STAT3: variants seen among roughly 807,000 people sequenced by gnomAD.
STAT3 encodes the protein signal transducer and activator of transcription 3, also known as DNA-binding protein APRF.
Under a neutral mutation model 114.3 loss-of-function variants are expected in STAT3, and 7 were observed. The ratio of observed to expected loss-of-function variants is 0.06; its 90% CI spans 0.03 to 0.11. The LOEUF is 0.11. Among genes scored for constraint, STAT3 ranks in the 10% least tolerant of loss-of-function variants. The pLI, the probability that STAT3 is intolerant of heterozygous loss-of-function variation, is 1.00. For synonymous variants in STAT3, 331 were observed against 354.5 expected, an observed-to-expected ratio of 0.93 and a Z score of 0.74; for missense variants, 364 against 960.9, an observed-to-expected ratio of 0.38 and a Z score of 8.21.
intron 1 of STAT3, among the ~76,000 whole-genome samples, chr17:42,365,078 G>A (rs1010164818): frequency 1.3e-5 from 2 of 152,116 alleles, no homozygotes; most frequent in African/African-American, 4.8e-5. Flanking sequence ...CTCTCATTAT[G>A]CCCCACTCTC....
chr17:42,338,499 CT>C (rs2082311459), intron 6 of STAT3, among the ~76,000 whole-genome samples: 4 of 72,336 alleles, frequency 5.5e-5, no homozygotes, highest in Non-Finnish European at 5.8e-5. Flanking sequence ...GGGAATACTC[CT>C]TGACCTGAGG....
intron 1 of STAT3, among the ~76,000 whole-genome samples, chr17:42,363,165 G>A (rs2083602671): frequency 6.6e-6 from 1 of 152,180 alleles, no homozygotes; most frequent in East Asian, 1.9e-4. Flanking sequence ...TGTGTAGCCA[G>A]GTTCTCCCAA....
chr17:42,354,464 G>A (rs1283880715), intron 1 of STAT3, among the ~76,000 whole-genome samples: 2 of 150,238 alleles, frequency 1.3e-5, no homozygotes, highest in East Asian at 2.0e-4. Context: ...CATGGCACCC[G>A]GCCTGTGTTA....
chr17:42,359,877 G>A (rs1183126840), intron 1 of STAT3, among the ~76,000 whole-genome samples: 4 of 151,904 alleles, frequency 2.6e-5, no homozygotes, highest in Admixed American at 6.6e-5. Context: ...TGGCTAACAC[G>A]GTGAAACCCC....
chr17:42,369,439 C>T (rs1262487846), intron 1 of STAT3, among the ~76,000 whole-genome samples: 1 of 152,050 alleles, frequency 6.6e-6, no homozygotes, highest in African/African-American at 2.4e-5. Context: ...GTGTATGTAC[C>T]ACATTTTCTT....
chr17:42,371,656 A>G (rs1379252605), intron 1 of STAT3, among the ~76,000 whole-genome samples: 2 of 145,146 alleles, frequency 1.4e-5, no homozygotes, highest in African/African-American at 5.2e-5. Context: ...AGCCTGGTCA[A>G]CAGGAGCAAA....
chr17:42,339,031 C>A (rs1375816103), intron 5 of STAT3, among the ~76,000 whole-genome samples: 1 of 152,070 alleles, frequency 6.6e-6, no homozygotes, highest in Non-Finnish European at 1.5e-5. Flanking sequence ...TTGGGAGGAT[C>A]ACTTGAGCCC....
At position 42,368,451 on chromosome 17, in the gene STAT3, T is replaced by TTTTTG. The variant is rs552230102; in HGVS notation, c.-24+19823_-24+19827dup. On this transcript the variant is annotated intron_variant, in intron 1 of 23. Transcript: ENST00000264657. Reference sequence around the variant, plus strand: ...TTTGAGATATTCCCAAAGTGACAGGTTTTTGTTTTGTTTTGTTTTGTTTTT... The same window carrying TTTTTG: ...TTTGAGATATTCCCAAAGTGACAGGTTTTTGTTTTGTTTTGTTTTGTTTTGTTTTT... Among the ~76,000 whole-genome samples, 72 of 151,976 alleles carry TTTTTG rather than the reference T, an allele frequency of 4.7e-4. 1 individual carries two copies. The highest frequency in any genetic ancestry group is 4.1e-4 in the South Asian group (2 of 4,820).
intron 4 of STAT3, among the ~76,000 whole-genome samples, chr17:42,344,589 C>T (rs954781441): frequency 1.3e-5 from 2 of 151,362 alleles, no homozygotes; most frequent in African/African-American, 2.4e-5. Context: ...CTTGGTGGCA[C>T]ACACCTGTAG....
chr17:42,352,288 G>A (rs1392156075), intron 1 of STAT3, among the ~76,000 whole-genome samples: 6 of 151,942 alleles, frequency 3.9e-5, no homozygotes, highest in East Asian at 2.0e-4. Context: ...GTAGTGAGCC[G>A]AGATCGCACC....
intron 21 of STAT3, chr17:42,317,547 T>C: frequency 2.2e-6 from 1 of 451,746 alleles, no homozygotes; most frequent in South Asian, 2.3e-5. Flanking sequence ...TGTAAAAGTT[T>C]AACAGCCTCC....
chr17:42,376,375 C>A (rs1187842316), intron 1 of STAT3, among the ~76,000 whole-genome samples: 1 of 151,834 alleles, frequency 6.6e-6, no homozygotes, highest in African/African-American at 2.4e-5. Flanking sequence ...AATGAAACCC[C>A]ATCTCTACTA....
intron 22 of STAT3, 119 bp from the exon 23 acceptor site, chr17:42,317,020 A>C: frequency 4.5e-6 from 7 of 1,556,804 alleles, no homozygotes; most frequent in Non-Finnish European, 6.1e-6. Context: ...CAACAGAAAA[A>C]TAAAAGCTCA....
rs187008053 is a variant in STAT3 at position 42,343,347 on chromosome 17, C to T, written c.372+2212G>A. Among the ~76,000 whole-genome samples, 12 of 151,656 alleles carry T rather than the reference C, an allele frequency of 7.9e-5. No individual in the cohort carries two copies. In the East Asian group the frequency reaches 1.9e-3, roughly 24 times the overall value. On this transcript the variant is annotated intron_variant, in intron 4 of 23. Coordinates refer to ENST00000264657, the MANE Select transcript of STAT3 (RefSeq NM_139276.3). ...AGAAAGTAAAAAAGTCTCCTATGAC[C>T]GACTACTTTAATGATTTAGTATATG...
rs2082272241 is a variant in STAT3, at chr17:42,337,371, C to T, written c.797+64G>A. The T allele has an allele frequency of 6.3e-7, 1 of 1,596,234 alleles. No individual in the cohort carries two copies. Among genetic ancestry groups the T allele is most frequent in the African/African-American group, 1.3e-5 (1 of 74,414 alleles). ...ATATAGTACCAATTCTGTGGGCCTG[C>T]AGTTAAGATCAGAATTCAATCTAGC... On this transcript the variant is annotated intron_variant, in intron 8 of 23. Transcript: ENST00000264657. The surrounding 1 kb of genome is among the most constrained non-coding windows in gnomAD (Gnocchi z 4.0).
chr17:42,373,684 T>G (rs984931645), intron 1 of STAT3, among the ~76,000 whole-genome samples: 2 of 151,682 alleles, frequency 1.3e-5, no homozygotes, highest in African/African-American at 4.8e-5. Context: ...GGTCAGGAGA[T>G]CGAGACCATC....
At chr17:42,330,067 T>G (rs2081929923) in intron 11 of STAT3, among the ~76,000 whole-genome samples, 1 of 152,214 alleles carries the variant, frequency 6.6e-6, no homozygotes, top group African/African-American at 2.4e-5. Context: ...CCTCATGAAA[T>G]TTCCACATAA....
chr17:42,381,601 G>A (rs1406101457), intron 1 of STAT3, among the ~76,000 whole-genome samples: 8 of 151,756 alleles, frequency 5.3e-5, no homozygotes, highest in African/African-American at 9.7e-5. Context: ...GCGTGGTGGC[G>A]GGCGCCTGTA....
intron 1 of STAT3, among the ~76,000 whole-genome samples, chr17:42,362,594 C>CA (rs2083569070): frequency 6.6e-6 from 1 of 152,212 alleles, no homozygotes; most frequent in Non-Finnish European, 1.5e-5. Flanking sequence ...TCCACCACTT[C>CA]GATCACTTAG....
Sources: gnomAD v4.1 joint callset for allele counts (sites outside exome capture counted in the v4.1 genomes callset) on GRCh38, gnomAD v4.1.1 for gene constraint, Gnocchi (gnomAD v3.1) non-coding constraint, MANE v1.5 for transcripts, NCBI Gene and HGNC (gene_info 2026-07-23, HGNC 2026-07-21) for gene names.